MFSD12: variants seen among roughly 807,000 people sequenced by gnomAD.
MFSD12 encodes major facilitator superfamily domain-containing protein 12.
In MFSD12, 67 loss-of-function variants were observed where a neutral mutation model predicts 51.2. The ratio of observed to expected loss-of-function variants is 1.31; its 90% CI spans 1.08 to 1.60. The LOEUF (loss-of-function observed/expected upper bound fraction) is 1.60, where lower values mean the gene tolerates loss of function less well. Among genes scored for constraint, MFSD12 ranks in the 40% most tolerant of loss-of-function variants. The pLI, the probability that MFSD12 is intolerant of heterozygous loss-of-function variation, is 0.00. For missense variants in MFSD12, 921 were observed against 673.0 expected (o/e 1.37, Z -4.08); for synonymous variants, 441 against 316.7 (o/e 1.39, Z -4.17).
intron 2 of MFSD12, among the ~76,000 whole-genome samples, chr19:3,549,565 A>C (rs1298172130): frequency 6.6e-6 from 1 of 151,596 alleles, no homozygotes; most frequent in Non-Finnish European, 1.5e-5. Flanking sequence ...TCTACTAAAA[A>C]TACAAAAATT....
At chr19:3,542,230 G>A (rs1346154816), downstream of MFSD12, 4 of 985,228 alleles carry the variant, frequency 4.1e-6, no homozygotes, top group South Asian at 4.7e-5. Context: ...GTCTATGTGG[G>A]GTCCCTCAAA....
At chr19:3,543,026 T>G, downstream of MFSD12, 3 of 1,605,680 alleles carry the variant, frequency 1.9e-6, no homozygotes, top group Non-Finnish European at 2.6e-6. Flanking sequence ...GGGTGCGATG[T>G]GTGGGGAGAG....
Position 3,544,464 on chromosome 19 carries a change from C to T in MFSD12, c.*246G>A. 10 of 1,352,390 alleles carry T rather than the reference C, an allele frequency of 7.4e-6. No homozygotes were observed. The highest frequency in any genetic ancestry group is 9.5e-6 in the Non-Finnish European group (10 of 1,054,878). The allele number at this position is 1,352,390 out of a possible 1,614,324, so 83.8% of individuals were successfully genotyped here. ...CCCTGCCGAGAGGGGCACCCCAAAT[C>T]CTCCAGAGGGCTGGGATGGATTAGA... is the stretch of plus-strand genomic sequence containing the variant. On this transcript the variant is annotated 3_prime_UTR_variant, in exon 10 of 10. Transcript: ENST00000355415.
chr19:3,557,234 C>A lies in MFSD12; in HGVS notation c.170G>T (p.Gly57Val), dbSNP rs1257712323. Residue 57 changes from glycine (G) to valine (V), a missense_variant, in exon 1 of 10, where the codon GGC becomes GTC. By Grantham distance (109) the Gly-to-Val change is moderately radical. Transcript: ENST00000355415. The stretch of plus-strand genomic sequence containing the variant: ...GCCCAGCAGCAGCAGCAGCCCCGCG[C>A]CGCGGGAGCTGTAGGCGCGCACCGA... ...LHSVRAYSSR[G>V]AGLLLLLGQV... is the part of the protein sequence containing the mutation. 1 of 1,592,004 alleles carries A rather than the reference C, an allele frequency of 6.3e-7. No homozygotes were observed. Among genetic ancestry groups the A allele is most frequent in the Non-Finnish European group, 8.5e-7 (1 of 1,171,294 alleles).
chr19:3,548,415 C>T, intron 2 of MFSD12, 148 bp from the exon 3 acceptor site: 1 of 1,049,200 alleles, frequency 9.5e-7, no homozygotes, highest in Non-Finnish European at 1.4e-6. Context: ...TCCAGGAAGC[C>T]CGTGCTGGCC....
chr19:3,540,938 A>G (rs1199567988), downstream of MFSD12, among the ~76,000 whole-genome samples: 9 of 151,588 alleles, frequency 5.9e-5, no homozygotes, highest in Admixed American at 1.3e-4. Context: ...TGGGAGGCCG[A>G]GGCGGGTGGA....
At chr19:3,553,115 G>C (rs1297236929) in intron 1 of MFSD12, among the ~76,000 whole-genome samples, 1 of 152,178 alleles carries the variant, frequency 6.6e-6, no homozygotes, top group Non-Finnish European at 1.5e-5. Flanking sequence ...GCCTGGGAGG[G>C]TTTGCGCAGA....
chr19:3,539,070 T>C, intron 4 of MFSD12: 2 of 698,452 alleles, frequency 2.9e-6, no homozygotes, highest in Non-Finnish European at 2.5e-6. Flanking sequence ...ACCCCGCAGC[T>C]GGGAGGAGGG....
downstream of MFSD12, among the ~76,000 whole-genome samples, chr19:3,540,676 T>C (rs903719291): frequency 3.5e-5 from 5 of 140,992 alleles, no homozygotes; most frequent in Non-Finnish European, 7.6e-5. Flanking sequence ...AGTCAGGAGT[T>C]CGAGACCAGC....
chr19:3,540,446 CG>C (rs2030285766), downstream of MFSD12, among the ~76,000 whole-genome samples: 1 of 151,244 alleles, frequency 6.6e-6, no homozygotes, highest in African/African-American at 2.4e-5. Context: ...TTAGTAGAGA[CG>C]GGGTTTCACC....
chr19:3,547,398 C>T (rs1159665720), intron 5 of MFSD12, 34 bp from the exon 6 acceptor site: 3 of 1,612,304 alleles, frequency 1.9e-6, no homozygotes, highest in African/African-American at 2.7e-5. Context: ...CCGTGTCAGT[C>T]ATGGCTCGCC....
downstream of MFSD12, among the ~76,000 whole-genome samples, chr19:3,541,277 A>G (rs2030387570): frequency 6.6e-6 from 1 of 151,620 alleles, no homozygotes; most frequent in Non-Finnish European, 1.5e-5. Context: ...TCAAGGCTGC[A>G]GTGAGCCGAA....
chr19:3,544,023 A>C, downstream of MFSD12: 1 of 1,526,088 alleles, frequency 6.6e-7, no homozygotes, highest in South Asian at 1.2e-5. Context: ...GCATGCTACC[A>C]GGATGCACCC....
chr19:3,544,647 C>G lies in MFSD12; in HGVS notation c.*63G>C. On this transcript the variant is annotated 3_prime_UTR_variant, in exon 10 of 10. Transcript: ENST00000355415. ...GGCAGTGGGGGCTTTTCCCCAAGGC[C>G]CTGGGGGGCATCCTCGTGCGTCCCC... 2 of 1,545,442 alleles carry G rather than the reference C, an allele frequency of 1.3e-6. No individual in the cohort carries two copies. The highest frequency in any genetic ancestry group is 1.8e-6 in the Non-Finnish European group (2 of 1,141,596).
At chr19:3,549,303 A>C (rs371439157) in intron 2 of MFSD12, among the ~76,000 whole-genome samples, 1 of 152,306 alleles carries the variant, frequency 6.6e-6, no homozygotes, top group South Asian at 2.1e-4. Flanking sequence ...TGGCAGCAGC[A>C]GCTGTAAGTC....
chr19:3,540,987 A>G (rs1308956676), downstream of MFSD12, among the ~76,000 whole-genome samples: 1 of 151,314 alleles, frequency 6.6e-6, no homozygotes, highest in Non-Finnish European at 1.5e-5. Context: ...TGGCCAAGGT[A>G]GTGAAACCCC....
Position 3,544,592 on chromosome 19 carries a change from T to G in MFSD12, c.*118A>C. Reference sequence around the variant, plus strand: ...CCCACCCCCGGGAGCTGGGTGAGGATGGAGGGTGGGGGTCCAGAGAAGAGT... The same window carrying G: ...CCCACCCCCGGGAGCTGGGTGAGGAGGGAGGGTGGGGGTCCAGAGAAGAGT... On this transcript the variant is annotated 3_prime_UTR_variant, in exon 10 of 10. Coordinates refer to ENST00000355415, the MANE Select transcript of MFSD12 (RefSeq NM_174983.5). 6.8e-7 allele frequency: 1 copy of G among 1,476,756 alleles called. No individual in the cohort carries two copies. Among genetic ancestry groups the G allele is most frequent in the Non-Finnish European group, 9.0e-7 (1 of 1,116,924 alleles). The allele number at this position is 1,476,756 out of a possible 1,614,324, so 91.5% of individuals were successfully genotyped here.
At chr19:3,547,015 T>C (rs985315142) in intron 6 of MFSD12, among the ~76,000 whole-genome samples, 1 of 152,130 alleles carries the variant, frequency 6.6e-6, no homozygotes, top group African/African-American at 2.4e-5. Context: ...TGTTTTTGTA[T>C]CTTTAGTAGA....
chr19:3,543,838 G>A (rs1271248471), downstream of MFSD12: 8 of 1,534,032 alleles, frequency 5.2e-6, no homozygotes, highest in East Asian at 1.5e-4. Flanking sequence ...GTGCTCAACA[G>A]GAACCGGTAC....
Sources: allele counts gnomAD v4.1 joint callset (sites outside exome capture counted in the v4.1 genomes callset), GRCh38; gene constraint gnomAD v4.1.1; transcripts MANE v1.5; gene names NCBI Gene and HGNC (gene_info 2026-07-23, HGNC 2026-07-21).